Variants in STXBP6 observed in about 807,000 individuals in gnomAD.
The protein encoded by STXBP6 is syntaxin-binding protein 6.
Under a neutral mutation model 26.9 loss-of-function variants are expected in STXBP6, and 21 were observed. The observed-to-expected ratio is 0.78, with a 90% CI of 0.55 to 1.12. STXBP6 has a LOEUF of 1.12. Among genes scored for constraint, STXBP6 ranks in the 50% most tolerant of loss-of-function variants. The pLI is 0.00. For synonymous variants in STXBP6, 97 were observed against 92.6 expected, an observed-to-expected ratio of 1.05 and a Z score of -0.27; for missense variants, 232 against 257.9, an observed-to-expected ratio of 0.90 and a Z score of 0.69.
At chr14:24,984,759 T>A (rs1285023653) in intron 1 of STXBP6, among the ~76,000 whole-genome samples, 1 of 152,182 alleles carries the variant, frequency 6.6e-6, no homozygotes, top group Non-Finnish European at 1.5e-5. Flanking sequence ...ATTCAAAAAA[T>A]CCTTATTAAT....
chr14:25,045,093 C>T (rs1192415790), intron 1 of STXBP6, among the ~76,000 whole-genome samples: 1 of 152,126 alleles, frequency 6.6e-6, no homozygotes, highest in Non-Finnish European at 1.5e-5. Flanking sequence ...GTGAAACCAT[C>T]CCACCCACAA....
chr14:24,903,683 T>C (rs537200369), intron 2 of STXBP6, among the ~76,000 whole-genome samples: 15 of 152,170 alleles, frequency 9.9e-5, no homozygotes, highest in Non-Finnish European at 2.1e-4. Context: ...TATTTTGTTA[T>C]TTATAACTTA....
intron 2 of STXBP6, among the ~76,000 whole-genome samples, chr14:24,951,269 TG>T (rs2073160743): frequency 6.6e-6 from 1 of 152,218 alleles, no homozygotes. Flanking sequence ...ATGGGATTGC[TG>T]GGTCAAATGG....
At chr14:24,996,810 G>A (rs1485976508) in intron 1 of STXBP6, among the ~76,000 whole-genome samples, 3 of 139,940 alleles carry the variant, frequency 2.1e-5, no homozygotes, top group East Asian at 2.1e-4. Flanking sequence ...AGCCAAGATC[G>A]CGCCATTGTA....
At chr14:24,936,179 C>T (rs1318699037) in intron 2 of STXBP6, among the ~76,000 whole-genome samples, 1 of 152,182 alleles carries the variant, frequency 6.6e-6, no homozygotes, top group Non-Finnish European at 1.5e-5. Context: ...TACTGGCTTG[C>T]TTTGCTCCAT....
At chr14:24,861,162 A>C (rs572319297) in intron 2 of STXBP6, among the ~76,000 whole-genome samples, 3 of 152,294 alleles carry the variant, frequency 2.0e-5, no homozygotes, top group Admixed American at 6.5e-5. Flanking sequence ...TTACACTTTC[A>C]TCATGTGCAG....
At chr14:24,832,192 G>C (rs2068473924) in intron 4 of STXBP6, among the ~76,000 whole-genome samples, 1 of 152,072 alleles carries the variant, frequency 6.6e-6, no homozygotes, top group African/African-American at 2.4e-5. Context: ...ATACTACCTA[G>C]CTTTGGTTTC....
chr14:24,869,311 T>TA (rs1483947501), intron 2 of STXBP6, among the ~76,000 whole-genome samples: 1 of 152,190 alleles, frequency 6.6e-6, no homozygotes, highest in African/African-American at 2.4e-5. Context: ...TGCTATGTGG[T>TA]AAAGAGCAGC....
intron 2 of STXBP6, among the ~76,000 whole-genome samples, chr14:24,894,891 CTT>C (rs66655858): frequency 0.67 from 100,311 of 150,620 alleles, 33,328 homozygotes; most frequent in East Asian, 0.76. Context: ...TTCTCTCTCT[CTT>C]TTTTTTTTTT....
intron 1 of STXBP6, among the ~76,000 whole-genome samples, chr14:25,019,812 C>T (rs1334841824): frequency 6.7e-6 from 1 of 150,302 alleles, no homozygotes; most frequent in Non-Finnish European, 1.5e-5. Context: ...TCACAACCGT[C>T]AGATGTTTTG....
At chr14:24,873,261 C>T (rs964788806) in intron 2 of STXBP6, among the ~76,000 whole-genome samples, 15 of 151,832 alleles carry the variant, frequency 9.9e-5, no homozygotes, top group African/African-American at 3.6e-4. Flanking sequence ...AATATAGTCC[C>T]TTCTTCTCAA....
Position 24,857,136 on chromosome 14 carries a change from T to C in STXBP6, c.176A>G (p.Gln59Arg). The change falls in exon 3 of 6, where the codon CAG becomes CGG. Residue 59 changes from glutamine to arginine, a missense_variant. Coordinates refer to ENST00000323944, the MANE Select transcript of STXBP6 (RefSeq NM_001394410.1). ...CLSVTNKKPT[Q>R]ASITKVKQFE... ...CTGTTTGACCTTTGTGATGGACGCC[T>C]GTGTGGGTTTCTTGTTTGTCACTGC... The C allele has an allele frequency of 6.2e-7, 1 of 1,612,944 alleles. No individual in the cohort carries two copies. Among genetic ancestry groups the C allele is most frequent in the Non-Finnish European group, 8.5e-7 (1 of 1,179,184 alleles).
At chr14:24,839,856 T>A (rs1016666315) in intron 4 of STXBP6, among the ~76,000 whole-genome samples, 97 of 152,328 alleles carry the variant, frequency 6.4e-4, no homozygotes, top group African/African-American at 2.3e-3. Context: ...TTAGAATTCT[T>A]GCTACTGAAT....
intron 2 of STXBP6, among the ~76,000 whole-genome samples, chr14:24,941,013 T>G (rs1293518103): frequency 1.3e-5 from 2 of 152,132 alleles, no homozygotes; most frequent in Non-Finnish European, 2.9e-5. Context: ...AGACTCTATC[T>G]TGGAAAACAA....
chr14:25,001,094 T>C (rs2074749670), intron 1 of STXBP6, among the ~76,000 whole-genome samples: 1 of 152,120 alleles, frequency 6.6e-6, no homozygotes. Flanking sequence ...TGCATAACCA[T>C]GGGAAGAATG....
Position 24,811,888 on chromosome 14 carries a change from C to T in STXBP6, c.*821G>A, listed in dbSNP as rs931022450. On this transcript the variant is annotated 3_prime_UTR_variant, in exon 6 of 6. Coordinates refer to ENST00000323944, the MANE Select transcript of STXBP6 (RefSeq NM_001394410.1). The stretch of plus-strand genomic sequence containing the variant: ...TTTTGATAAAAATATAAGCACTTTT[C>T]CATACCAGCGACCATCACTATGACA... 1 of 152,120 alleles carries T rather than the reference C, an allele frequency of 6.6e-6. No homozygotes were observed. Among genetic ancestry groups the T allele is most frequent in the Non-Finnish European group, 1.5e-5 (1 of 68,016 alleles). The allele number at this position is 152,120 out of a possible 1,614,324, so 9.4% of individuals were successfully genotyped here. A position where few individuals can be genotyped will look rare whatever the true frequency, so the allele number is the denominator to read the frequency against.
rs2067774065 is a variant in STXBP6 at position 24,809,925 on chromosome 14, AAC to A, written c.*2782_*2783del. 2 of 152,220 alleles carry A rather than the reference AAC, an allele frequency of 1.3e-5. No individual in the cohort carries two copies. The highest frequency in any genetic ancestry group is 4.8e-5 in the African/African-American group (2 of 41,466). 9.4% of individuals were successfully genotyped at this position (152,220 alleles called of 1,614,324 possible). A position where few individuals can be genotyped will look rare whatever the true frequency, so the allele number is the denominator to read the frequency against. ...TTGCTAGCCACAAAAGTAGTATTAA[AAC>A]AGTTTTCACTGTAACTTAAGTCTAA... On this transcript the variant is annotated 3_prime_UTR_variant, in exon 6 of 6. Coordinates refer to ENST00000323944, the MANE Select transcript of STXBP6 (RefSeq NM_001394410.1).
intron 1 of STXBP6, among the ~76,000 whole-genome samples, chr14:24,997,646 T>C (rs1396325130): frequency 6.6e-6 from 1 of 152,248 alleles, no homozygotes; most frequent in Non-Finnish European, 1.5e-5. Context: ...TTAAAATATT[T>C]ATAATTCTTT....
At chr14:24,912,451 A>AC (rs1455977558) in intron 2 of STXBP6, among the ~76,000 whole-genome samples, 1 of 151,920 alleles carries the variant, frequency 6.6e-6, no homozygotes, top group Non-Finnish European at 1.5e-5. Context: ...CAAAAAAAAA[A>AC]AAAAAAAAGT....
Sources: allele counts gnomAD v4.1 joint callset (sites outside exome capture counted in the v4.1 genomes callset), GRCh38; gene constraint gnomAD v4.1.1; transcripts MANE v1.5; gene names NCBI Gene and HGNC (gene_info 2026-07-23, HGNC 2026-07-21).